Variants in SLC30A6 observed in about 807,000 individuals in gnomAD.
SLC30A6 encodes solute carrier family 30 member 6.
SLC30A6 carries 55 observed loss-of-function variants against 63.0 expected under a neutral mutation model. The ratio of observed to expected loss-of-function variants is 0.87; its 90% confidence interval spans 0.70 to 1.09. SLC30A6 has a LOEUF of 1.09. SLC30A6 is among the 50% of genes least tolerant of loss of function. The probability of loss-of-function intolerance (pLI) is 0.00; values close to 1 mark genes in which losing one functional copy is unlikely to be tolerated. For missense variants in SLC30A6, 587 were observed against 549.2 expected (o/e 1.07, Z -0.69); for synonymous variants, 224 against 186.1 (o/e 1.20, Z -1.66).
At chr2:32,215,807 C>CA (rs1685656824) in intron 13 of SLC30A6, among the ~76,000 whole-genome samples, 4 of 151,968 alleles carry the variant, frequency 2.6e-5, no homozygotes, top group Admixed American at 2.0e-4. Context: ...TAGGCTCAAG[C>CA]AGTCTTCCTG....
chr2:32,182,698 A>G (rs1682438707), intron 4 of SLC30A6, among the ~76,000 whole-genome samples: 1 of 152,206 alleles, frequency 6.6e-6, no homozygotes, highest in Non-Finnish European at 1.5e-5. Flanking sequence ...AGAAATACAA[A>G]TACTACTCCA....
chr2:32,210,944 G>C (rs561403722), intron 13 of SLC30A6, among the ~76,000 whole-genome samples: 1 of 152,280 alleles, frequency 6.6e-6, no homozygotes, highest in Admixed American at 6.5e-5. Context: ...ACTTGGACAG[G>C]TCCAGCATGG....
At chr2:32,197,286 T>G in intron 8 of SLC30A6, 58 bp from the exon 9 acceptor site, 1 of 1,455,412 alleles carries the variant, frequency 6.9e-7, no homozygotes, top group Non-Finnish European at 9.3e-7. Context: ...ACTCAAATAT[T>G]TCAGGTAGTG....
Position 32,211,370 on chromosome 2 carries a change from A to G in SLC30A6, c.885+1809A>G, listed in dbSNP as rs1685240962. Among the ~76,000 whole-genome samples, 6 of 151,778 alleles carry G rather than the reference A, an allele frequency of 4.0e-5. No individual in the cohort carries two copies. The South Asian group carries it at 1.3e-3, about 32-fold the overall frequency. On this transcript the variant is annotated intron_variant, in intron 13 of 13. Coordinates refer to ENST00000282587, the MANE Select transcript of SLC30A6 (RefSeq NM_017964.5). Reference sequence around the variant, plus strand: ...TAAAAATTAGTTTGATTGGATATAAACTCTTCAGTACACATTTGTTTCAAG... The same window carrying G: ...TAAAAATTAGTTTGATTGGATATAAGCTCTTCAGTACACATTTGTTTCAAG...
At chr2:32,218,139 G>T (rs569133597) in intron 13 of SLC30A6, among the ~76,000 whole-genome samples, 31 of 152,090 alleles carry the variant, frequency 2.0e-4, no homozygotes, top group African/African-American at 7.2e-4. Context: ...ATAATTTATG[G>T]ACCGGGCATG....
At chr2:32,188,268 T>C (rs1373438107) in intron 5 of SLC30A6, among the ~76,000 whole-genome samples, 1 of 152,204 alleles carries the variant, frequency 6.6e-6, no homozygotes, top group Admixed American at 6.5e-5. Flanking sequence ...AAATGCTAAT[T>C]TCCATTAAGT....
rs1184447567 is a variant in SLC30A6 at position 32,193,919 on chromosome 2, T to C, written c.432T>C (p.Ala144=). ...GATTATTAGTTGGTACTTTTGTGGCTCTTTGTTTCAACCTGTTCACGATGC... is the reference window on the plus strand; with the variant it reads ...GATTATTAGTTGGTACTTTTGTGGCCCTTTGTTTCAACCTGTTCACGATGC... The part of the protein sequence containing the change: ...TGRLLVGTFV[A]LCFNLFTMLS... Residue 144 remains alanine, a synonymous_variant, in exon 8 of 14, where the codon GCT becomes GCC. Transcript: ENST00000282587. The C allele has an allele frequency of 3.1e-6, 5 of 1,613,664 alleles. No individual in the cohort carries two copies. The highest frequency in any genetic ancestry group is 4.2e-6 in the Non-Finnish European group (5 of 1,179,756).
chr2:32,204,064 C>T, intron 10 of SLC30A6: 3 of 553,654 alleles, frequency 5.4e-6, no homozygotes, highest in Non-Finnish European at 9.7e-6. Flanking sequence ...ATATTATGCA[C>T]CAAAAATTAG....
chr2:32,220,526 T>C lies in SLC30A6; in HGVS notation c.1199T>C (p.Ile400Thr), dbSNP rs2148920388. ...NTPGKNVNPV[I>T]LLNTQTRPYG... ...CCTGGGAAAAATGTGAACCCAGTTA[T>C]TCTTCTAAACACACAAACAAGGCCT... The change falls in exon 14 of 14, where the codon ATT (isoleucine) becomes ACT (threonine). Residue 400 changes from isoleucine to threonine, a missense_variant. By Grantham distance (89) the Ile-to-Thr change is moderately conservative (BLOSUM62 -1). Transcript: ENST00000282587. The C allele has an allele frequency of 2.5e-6, 4 of 1,614,238 alleles. No homozygotes were observed. Among genetic ancestry groups the C allele is most frequent in the Middle Eastern group, 1.6e-4 (1 of 6,062 alleles).
intron 13 of SLC30A6, among the ~76,000 whole-genome samples, chr2:32,217,962 C>T (rs1392174660): frequency 6.6e-6 from 1 of 151,900 alleles, no homozygotes; most frequent in African/African-American, 2.4e-5. Context: ...CAGCCTCCTG[C>T]GTAGCTGAGT....
Position 32,197,840 on chromosome 2 carries a change from A to C in SLC30A6, c.665+14A>C. On this transcript the variant is annotated intron_variant, in intron 10 of 13. Coordinates refer to ENST00000282587, the MANE Select transcript of SLC30A6 (RefSeq NM_017964.5). Reference sequence around the variant, plus strand: ...CATTGAAATTAAGTGAGTATTTTTTATTGTTGTCAAGTATGTTTTGATTTC... The same window carrying C: ...CATTGAAATTAAGTGAGTATTTTTTCTTGTTGTCAAGTATGTTTTGATTTC... 1.2e-6 allele frequency: 2 copies of C among 1,612,694 alleles called. No individual in the cohort carries two copies. Among genetic ancestry groups the C allele is most frequent in the South Asian group, 2.2e-5 (2 of 90,946 alleles).
chr2:32,220,535 A>T lies in SLC30A6; in HGVS notation c.1208A>T (p.Asn403Ile). ...AATGTGAACCCAGTTATTCTTCTAA[A>T]CACACAAACAAGGCCTTATGGTTTT... is the stretch of plus-strand genomic sequence containing the variant. ...GKNVNPVILL[N>I]TQTRPYGFGL... Residue 403 changes from asparagine to isoleucine, a missense_variant, in exon 14 of 14, where the codon AAC becomes ATC. Physicochemically the swap from Asn to Ile is moderately radical, Grantham distance 149 (BLOSUM62 -3). Transcript: ENST00000282587. 1 of 1,614,214 alleles carries T rather than the reference A, an allele frequency of 6.2e-7. No individual in the cohort carries two copies. The highest frequency in any genetic ancestry group is 8.5e-7 in the Non-Finnish European group (1 of 1,180,034).
At chr2:32,181,933 C>CTTTTTTTTTTTT (rs34589397) in intron 4 of SLC30A6, among the ~76,000 whole-genome samples, 25 of 122,908 alleles carry the variant, frequency 2.0e-4, no homozygotes, top group Non-Finnish European at 2.4e-4. Context: ...TTTTTCTTTT[C>CTTTTTTTTTTTT]TTTTTTTTTT....
At chr2:32,209,398 C>A in intron 12 of SLC30A6, 95 bp from the exon 13 acceptor site, 1 of 926,906 alleles carries the variant, frequency 1.1e-6, no homozygotes, top group South Asian at 1.7e-5. Flanking sequence ...ATTTGGCTGT[C>A]ATTCTTAAGT....
At chr2:32,188,744 G>A (rs1206002287) in intron 5 of SLC30A6, among the ~76,000 whole-genome samples, 2 of 152,102 alleles carry the variant, frequency 1.3e-5, no homozygotes, top group African/African-American at 2.4e-5. Flanking sequence ...TAATATCTTT[G>A]TGCAATTTGA....
Position 32,210,566 on chromosome 2 carries a change from A to G in SLC30A6, c.885+1005A>G, listed in dbSNP as rs557983631. Among the ~76,000 whole-genome samples, 12 of 149,750 alleles carry G rather than the reference A, an allele frequency of 8.0e-5. No individual in the cohort carries two copies. The East Asian group carries it at 2.2e-3, about 27-fold the overall frequency. On this transcript the variant is annotated intron_variant, in intron 13 of 13. Transcript: ENST00000282587. ...ACAGAAAATGAGATCATGCTGTTTT[A>G]TAATTAGCTCTTTTTGTTTAATTAA... is the stretch of plus-strand genomic sequence containing the variant.
rs199777126 is a variant in SLC30A6, at chr2:32,192,642, CAG to C, written c.365+230_365+231del. ...GAATCAGAAGTGGTTGTGAATGAAA[CAG>C]AGATTCAGTCAGGCATGTTTGATGC... On this transcript the variant is annotated intron_variant, in intron 6 of 13. Transcript: ENST00000282587. Among the ~76,000 whole-genome samples, 1,409 of 152,148 alleles carry C rather than the reference CAG, an allele frequency of 9.3e-3. 21 individuals carry two copies. The highest frequency in any genetic ancestry group is 0.032 in the African/African-American group (1,345 of 41,506).
chr2:32,203,719 T>G, intron 10 of SLC30A6: 1 of 1,529,544 alleles, frequency 6.5e-7, no homozygotes, highest in Non-Finnish European at 9.1e-7. Flanking sequence ...TACAACTAAG[T>G]CAGAAAGGTT....
chr2:32,203,623 A>G, intron 10 of SLC30A6: 1 of 1,581,702 alleles, frequency 6.3e-7, no homozygotes, highest in South Asian at 1.1e-5. Flanking sequence ...GAAAGAACTT[A>G]ACAGAAAGCT....
Sources: gnomAD v4.1 joint callset for allele counts (sites outside exome capture counted in the v4.1 genomes callset) on GRCh38, gnomAD v4.1.1 for gene constraint, MANE v1.5 for transcripts, NCBI Gene and HGNC (gene_info 2026-07-23, HGNC 2026-07-21) for gene names.